Variants in RALYL observed in about 807,000 individuals in gnomAD.
The protein encoded by RALYL is RNA-binding Raly-like protein.
Under a neutral mutation model 35.1 loss-of-function variants are expected in RALYL, and 29 were observed. The ratio of observed to expected loss-of-function variants is 0.83; its 90% CI spans 0.61 to 1.13. The LOEUF (loss-of-function observed/expected upper bound fraction) is 1.13, where lower values mean the gene tolerates loss of function less well. RALYL is among the 50% of genes most tolerant of loss of function. The pLI is 0.00. For synonymous variants in RALYL, 120 were observed against 127.6 expected (o/e 0.94, Z 0.40); for missense variants, 359 against 360.4 (o/e 1.00, Z 0.03).
At chr8:84,447,891 A>T (rs1201033289) in intron 1 of RALYL, among the ~76,000 whole-genome samples, 3 of 152,036 alleles carry the variant, frequency 2.0e-5, no homozygotes, top group Admixed American at 6.6e-5. Context: ...AGTGAGAAAG[A>T]CTGACATGGA....
At chr8:84,900,275 C>A (rs777936595) in intron 8 of RALYL, among the ~76,000 whole-genome samples, 1 of 152,046 alleles carries the variant, frequency 6.6e-6, no homozygotes, top group Non-Finnish European at 1.5e-5. Flanking sequence ...TCTAAAAATG[C>A]TATAATGTGT....
chr8:84,312,539 G>T (rs1291079909), intron 1 of RALYL, among the ~76,000 whole-genome samples: 1 of 152,164 alleles, frequency 6.6e-6, no homozygotes, highest in Non-Finnish European at 1.5e-5. Context: ...TACAGGCATT[G>T]GGTACCAAAT....
intron 1 of RALYL, among the ~76,000 whole-genome samples, chr8:84,510,817 A>AG (rs1400144622): frequency 6.6e-6 from 1 of 152,074 alleles, no homozygotes; most frequent in African/African-American, 2.4e-5. Flanking sequence ...TCAAAAAAAA[A>AG]AAACCATAAT....
chr8:84,264,766 A>T (rs1359108092), intron 1 of RALYL, among the ~76,000 whole-genome samples: 1 of 152,070 alleles, frequency 6.6e-6, no homozygotes, highest in Admixed American at 6.5e-5. Flanking sequence ...GAGCTCTTGA[A>T]ATCAACAATG....
intron 4 of RALYL, among the ~76,000 whole-genome samples, chr8:84,841,175 A>G (rs1367748569): frequency 1.3e-5 from 2 of 152,210 alleles, no homozygotes; most frequent in Non-Finnish European, 2.9e-5. Context: ...AGACTGGCAA[A>G]TTGGATAAAG....
At chr8:84,789,721 G>A (rs1293481964) in intron 3 of RALYL, among the ~76,000 whole-genome samples, 1 of 152,062 alleles carries the variant, frequency 6.6e-6, no homozygotes, top group African/African-American at 2.4e-5. Context: ...AGTCGGGTGT[G>A]GTCATGTACA....
chr8:84,566,442 A>AT (rs1166905618), intron 2 of RALYL, among the ~76,000 whole-genome samples: 2 of 151,492 alleles, frequency 1.3e-5, no homozygotes, highest in Non-Finnish European at 3.0e-5. Context: ...AAAGCCAAGG[A>AT]TTTTTTCTTC....
At chr8:84,849,740 T>C (rs887491516) in intron 4 of RALYL, among the ~76,000 whole-genome samples, 1 of 152,092 alleles carries the variant, frequency 6.6e-6, no homozygotes, top group Non-Finnish European at 1.5e-5. Flanking sequence ...TTGCTACCTG[T>C]TCTGATTTTC....
chr8:84,222,418 C>T (rs1027394692), intron 1 of RALYL, among the ~76,000 whole-genome samples: 6 of 152,016 alleles, frequency 3.9e-5, no homozygotes, highest in Admixed American at 3.3e-4. Context: ...TAGTTTTGAG[C>T]CTGAATTAGA....
At chr8:84,387,056 T>C (rs913747511) in intron 1 of RALYL, among the ~76,000 whole-genome samples, 3 of 151,896 alleles carry the variant, frequency 2.0e-5, no homozygotes, top group African/African-American at 7.2e-5. Context: ...TTTTGTTTCC[T>C]CTTTTCCATT....
chr8:84,394,428 A>G (rs1861353855), intron 1 of RALYL, among the ~76,000 whole-genome samples: 1 of 152,124 alleles, frequency 6.6e-6, no homozygotes, highest in African/African-American at 2.4e-5. Context: ...ACTTCCATCC[A>G]GATTTATCAA....
chr8:84,512,610 C>G (rs2057716304), intron 1 of RALYL, among the ~76,000 whole-genome samples: 1 of 152,098 alleles, frequency 6.6e-6, no homozygotes, highest in Non-Finnish European at 1.5e-5. Flanking sequence ...TTTGCCTTGA[C>G]CAATGTCCAG....
intron 4 of RALYL, among the ~76,000 whole-genome samples, chr8:84,822,682 G>C (rs1473296419): frequency 6.6e-6 from 1 of 152,090 alleles, no homozygotes; most frequent in Non-Finnish European, 1.5e-5. Context: ...TTTTGGCAAT[G>C]TAAGATGAAG....
At chr8:84,500,704 C>A (rs1280466858) in intron 1 of RALYL, among the ~76,000 whole-genome samples, 3 of 152,056 alleles carry the variant, frequency 2.0e-5, no homozygotes, top group Non-Finnish European at 4.4e-5. Flanking sequence ...GGACATTTTA[C>A]AAGACTGTGT....
intron 1 of RALYL, among the ~76,000 whole-genome samples, chr8:84,325,735 A>C (rs1049424052): frequency 1.1e-4 from 16 of 152,228 alleles, no homozygotes; most frequent in Non-Finnish European, 7.3e-5. Context: ...AGCATTCAAA[A>C]GTATCACTTT....
chr8:84,618,132 C>T (rs571304324), intron 2 of RALYL, among the ~76,000 whole-genome samples: 30 of 151,910 alleles, frequency 2.0e-4, no homozygotes, highest in African/African-American at 6.8e-4. Flanking sequence ...AGGATTCCCT[C>T]TTTTTCTATT....
At chr8:84,378,411 T>C (rs1857334688) in intron 1 of RALYL, among the ~76,000 whole-genome samples, 1 of 151,970 alleles carries the variant, frequency 6.6e-6, no homozygotes, top group Non-Finnish European at 1.5e-5. Context: ...TCTTAACATT[T>C]CATGTATTTT....
rs1425109163 is a variant in RALYL, at chr8:84,426,438, C to CTCTGTG, written c.-23-102860_-23-102859insCTGTGT. On this transcript the variant is annotated intron_variant, in intron 1 of 8. Transcript: ENST00000521268. ...ACTCTTTTGCGTTCTCTCTCTCTCT[C>CTCTGTG]TGTGTGTGTGTGTGTGTGTGTGTGT... 6.1e-3 allele frequency among the ~76,000 whole-genome samples: 832 copies of CTCTGTG among 136,100 alleles called. 5 individuals are homozygous for CTCTGTG. Among genetic ancestry groups the CTCTGTG allele is most frequent in the Non-Finnish European group, 9.7e-3 (622 of 63,896 alleles). 89.3% of individuals were successfully genotyped at this position (136,100 alleles called of 152,430 possible).
intron 3 of RALYL, 115 bp from the exon 4 acceptor site, chr8:84,804,655 C>G: frequency 2.5e-6 from 1 of 396,148 alleles, no homozygotes; most frequent in Non-Finnish European, 4.2e-6. Context: ...ACTGGTGCTA[C>G]ATTATGCATT....
Sources: gnomAD v4.1 joint callset for allele counts (sites outside exome capture counted in the v4.1 genomes callset) on GRCh38, gnomAD v4.1.1 for gene constraint, MANE v1.5 for transcripts, NCBI Gene and HGNC (gene_info 2026-07-23, HGNC 2026-07-21) for gene names.